SLC2A13: variants seen among roughly 807,000 people sequenced by gnomAD.
SLC2A13 encodes solute carrier family 2 member 13, also known as proton myo-inositol cotransporter.
SLC2A13 carries 32 observed loss-of-function variants against 64.4 expected under a neutral mutation model. That is an observed-to-expected ratio of 0.50 (90% CI 0.37 to 0.67). The LOEUF (loss-of-function observed/expected upper bound fraction) is 0.67, where lower values mean the gene tolerates loss of function less well. SLC2A13 is among the 30% of genes least tolerant of loss of function. SLC2A13 has a pLI of 0.00. For missense variants in SLC2A13, 743 were observed against 829.2 expected, an observed-to-expected ratio of 0.90 and a Z score of 1.28; for synonymous variants, 338 against 327.1, an observed-to-expected ratio of 1.03 and a Z score of -0.36.
At chr12:39,973,744 T>G (rs1354070432) in intron 3 of SLC2A13, among the ~76,000 whole-genome samples, 1 of 152,240 alleles carries the variant, frequency 6.6e-6, no homozygotes, top group Non-Finnish European at 1.5e-5. Context: ...TCACTTAGGC[T>G]GCATTTCTTC....
At position 39,951,359 on chromosome 12, in the gene SLC2A13, G is replaced by A; in HGVS notation, c.932C>T (p.Pro311Leu). The A allele has an allele frequency of 1.9e-6, 3 of 1,557,832 alleles. No homozygotes were observed. The highest frequency in any genetic ancestry group is 1.2e-5 in the South Asian group (1 of 80,886). ...ATAACTCAGCATTCTGCAGATCACA[G>A]GTCCAGCTTTTTTAAGAAAGAAAGA... ...EEEKEVGSAG[P>L]VICRMLSYPP... Residue 311 changes from proline (P) to leucine (L), a missense_variant, in exon 4 of 10, where the codon CCT becomes CTT. Physicochemically the swap from Pro to Leu is moderately conservative, Grantham distance 98. Coordinates refer to ENST00000280871, the MANE Select transcript of SLC2A13 (RefSeq NM_052885.4).
At chr12:40,022,648 C>T (rs1294083485) in intron 3 of SLC2A13, among the ~76,000 whole-genome samples, 1 of 152,138 alleles carries the variant, frequency 6.6e-6, no homozygotes, top group Non-Finnish European at 1.5e-5. Context: ...GCCAGCCTGG[C>T]CAACGCGGTG....
At chr12:39,921,504 T>G (rs1945615081) in intron 4 of SLC2A13, among the ~76,000 whole-genome samples, 2 of 152,116 alleles carry the variant, frequency 1.3e-5, no homozygotes, top group Admixed American at 1.3e-4. Flanking sequence ...TGCCTGTATG[T>G]GAGTAAACTG....
chr12:39,945,615 TTC>T (rs1378391967), intron 4 of SLC2A13, among the ~76,000 whole-genome samples: 1 of 152,126 alleles, frequency 6.6e-6, no homozygotes, highest in African/African-American at 2.4e-5. Flanking sequence ...AGCTCTGAAT[TTC>T]TTTCTTCTAC....
intron 3 of SLC2A13, among the ~76,000 whole-genome samples, chr12:39,954,622 T>C (rs1309293256): frequency 6.6e-6 from 1 of 152,326 alleles, no homozygotes. Context: ...AAACATTACT[T>C]GAATGCCATC....
At chr12:39,899,002 A>G (rs1312954017) in intron 4 of SLC2A13, among the ~76,000 whole-genome samples, 1 of 152,090 alleles carries the variant, frequency 6.6e-6, no homozygotes, top group Non-Finnish European at 1.5e-5. Context: ...TCATAAAATG[A>G]GTTAGGGAGG....
At chr12:40,078,315 G>A (rs1938259782) in intron 1 of SLC2A13, among the ~76,000 whole-genome samples, 1 of 152,080 alleles carries the variant, frequency 6.6e-6, no homozygotes, top group Non-Finnish European at 1.5e-5. Context: ...TTATTTTGAG[G>A]TTTGTTCCTT....
chr12:40,008,254 C>T (rs1947459058), intron 3 of SLC2A13, among the ~76,000 whole-genome samples: 1 of 152,110 alleles, frequency 6.6e-6, no homozygotes, highest in African/African-American at 2.4e-5. Flanking sequence ...GCATAAAAAG[C>T]AGCAGGGTGG....
At position 39,816,112 on chromosome 12, in the gene SLC2A13, C is replaced by T. The variant is rs199691546; in HGVS notation, c.1445+13991G>A. On this transcript the variant is annotated intron_variant, in intron 7 of 9. Coordinates refer to ENST00000280871, the MANE Select transcript of SLC2A13 (RefSeq NM_052885.4). ...GCTGATAGTGAGCTGAGGTCTGAAACAGTTTCAACTAGAATTTGCCTATTC... is the reference window on the plus strand; with the variant it reads ...GCTGATAGTGAGCTGAGGTCTGAAATAGTTTCAACTAGAATTTGCCTATTC... Among the ~76,000 whole-genome samples the T allele has an allele frequency of 2.0e-5, 3 of 152,260 alleles. No homozygotes were observed. The East Asian group carries it at 5.8e-4, about 29-fold the overall frequency.
chr12:40,060,437 C>T (rs1406387021), intron 1 of SLC2A13, among the ~76,000 whole-genome samples: 1 of 152,112 alleles, frequency 6.6e-6, no homozygotes, highest in Non-Finnish European at 1.5e-5. Context: ...TATCTTCATA[C>T]TTATGGAAAG....
chr12:39,824,234 C>G (rs1176033953), intron 7 of SLC2A13, among the ~76,000 whole-genome samples: 1 of 152,082 alleles, frequency 6.6e-6, no homozygotes, highest in Non-Finnish European at 1.5e-5. Flanking sequence ...TTTGAATGGT[C>G]CTAGTTAACT....
chr12:39,878,990 C>T (rs934150752), intron 4 of SLC2A13, among the ~76,000 whole-genome samples: 2 of 152,264 alleles, frequency 1.3e-5, no homozygotes, highest in African/African-American at 2.4e-5. Context: ...TCCCCACATA[C>T]TGGCCTCTCC....
At chr12:39,842,222 C>T (rs1231646520) in intron 6 of SLC2A13, among the ~76,000 whole-genome samples, 1 of 151,990 alleles carries the variant, frequency 6.6e-6, no homozygotes, top group African/African-American at 2.4e-5. Context: ...AAGTAGAAGA[C>T]CAGATTAGAA....
At chr12:39,887,427 G>T (rs1321379163) in intron 4 of SLC2A13, among the ~76,000 whole-genome samples, 2 of 152,022 alleles carry the variant, frequency 1.3e-5, no homozygotes, top group Non-Finnish European at 2.9e-5. Context: ...GAGGGCTCTA[G>T]AATCAATGAA....
At chr12:40,069,185 G>A (rs981773911) in intron 1 of SLC2A13, among the ~76,000 whole-genome samples, 6 of 151,978 alleles carry the variant, frequency 3.9e-5, no homozygotes, top group Admixed American at 3.3e-4. Flanking sequence ...GAAAGAAAAA[G>A]AGAAATAAAA....
At chr12:39,816,544 C>T (rs547713985) in intron 7 of SLC2A13, among the ~76,000 whole-genome samples, 3 of 151,004 alleles carry the variant, frequency 2.0e-5, no homozygotes, top group East Asian at 1.9e-4. Flanking sequence ...CAAACCTGCA[C>T]GTTGTGCACA....
chr12:39,780,472 T>A (rs1940940927), intron 7 of SLC2A13, among the ~76,000 whole-genome samples: 1 of 152,070 alleles, frequency 6.6e-6, no homozygotes, highest in South Asian at 2.1e-4. Flanking sequence ...CAAAAATGAG[T>A]AGAATAAAAT....
chr12:39,988,783 A>G (rs931967492), intron 3 of SLC2A13, among the ~76,000 whole-genome samples: 15 of 152,088 alleles, frequency 9.9e-5, no homozygotes, highest in African/African-American at 3.6e-4. Flanking sequence ...TTCATAGCTT[A>G]TGACCAAAGC....
At chr12:39,960,764 T>TTTC (rs1419003974) in intron 3 of SLC2A13, among the ~76,000 whole-genome samples, 4 of 144,394 alleles carry the variant, frequency 2.8e-5, no homozygotes, top group Non-Finnish European at 6.1e-5. Flanking sequence ...TTTTTTTTTT[T>TTTC]CAAGACAGAG....
Sources: gnomAD v4.1 joint callset for allele counts (sites outside exome capture counted in the v4.1 genomes callset) on GRCh38, gnomAD v4.1.1 for gene constraint, MANE v1.5 for transcripts, NCBI Gene and HGNC (gene_info 2026-07-23, HGNC 2026-07-21) for gene names.